The following CCDC191 variants were observed in gnomAD, a reference collection of about 807,000 sequenced individuals.
CCDC191 encodes coiled-coil domain containing 191.
In CCDC191, 99 loss-of-function variants were observed where a neutral mutation model predicts 114.0. The ratio of observed to expected loss-of-function variants is 0.87; its 90% CI spans 0.74 to 1.03. CCDC191 has a LOEUF of 1.03. CCDC191 is among the 50% of genes least tolerant of loss of function. The pLI, the probability that CCDC191 is intolerant of heterozygous loss-of-function variation, is 0.00. For missense variants in CCDC191, 973 were observed against 1,087.0 expected (o/e 0.90, Z 1.47); for synonymous variants, 351 against 376.0 (o/e 0.93, Z 0.77).
chr3:113,967,150 T>C (rs1185347440), intron 16 of CCDC191, among the ~76,000 whole-genome samples: 1 of 152,086 alleles, frequency 6.6e-6, no homozygotes, highest in Non-Finnish European at 1.5e-5. Flanking sequence ...ATGGATTTAC[T>C]TCATTGCTTG....
Position 113,965,108 on chromosome 3 carries a change from A to G in CCDC191, c.*47T>C. The G allele has an allele frequency of 2.4e-6, 3 of 1,261,348 alleles. No individual in the cohort carries two copies. Among genetic ancestry groups the G allele is most frequent in the South Asian group, 3.0e-5 (2 of 67,056 alleles). The allele number at this position is 1,261,348 out of a possible 1,614,324, so 78.1% of individuals were successfully genotyped here. A position where few individuals can be genotyped will look rare whatever the true frequency, so the allele number is the denominator to read the frequency against. ...GTGTGGGTGGGTGGAGATAACACAC[A>G]TACAGACTAGTCGAGCTTCCTGTCC... On this transcript the variant is annotated 3_prime_UTR_variant, in exon 17 of 17. Transcript: ENST00000295878.
chr3:114,028,297 T>TTG (rs2076353845), intron 7 of CCDC191, among the ~76,000 whole-genome samples: 2 of 149,344 alleles, frequency 1.3e-5, no homozygotes, highest in Non-Finnish European at 3.0e-5. Flanking sequence ...TTTTTTTTTT[T>TTG]TTTATCGAGA....
At chr3:113,966,977 T>A (rs1940242656) in intron 16 of CCDC191, among the ~76,000 whole-genome samples, 2 of 152,030 alleles carry the variant, frequency 1.3e-5, no homozygotes, top group African/African-American at 2.4e-5. Flanking sequence ...CAGGCACCTG[T>A]AATCCCAGCT....
At chr3:113,968,773 A>G (rs1940493407) in intron 16 of CCDC191, among the ~76,000 whole-genome samples, 1 of 151,832 alleles carries the variant, frequency 6.6e-6, no homozygotes. Flanking sequence ...CCATTTTTAA[A>G]TTGGATTTTT....
At chr3:114,029,403 C>T (rs2076372761) in intron 7 of CCDC191, among the ~76,000 whole-genome samples, 2 of 152,058 alleles carry the variant, frequency 1.3e-5, no homozygotes, top group South Asian at 2.1e-4. Flanking sequence ...TACACATATA[C>T]ATACATATAC....
intron 4 of CCDC191, among the ~76,000 whole-genome samples, chr3:114,040,645 C>T (rs986658926): frequency 6.6e-6 from 1 of 151,956 alleles, no homozygotes; most frequent in African/African-American, 2.4e-5. Flanking sequence ...ATATCTTTTT[C>T]CATCCTTTTC....
chr3:113,971,336 T>A (rs943546970), intron 16 of CCDC191, among the ~76,000 whole-genome samples: 9 of 152,172 alleles, frequency 5.9e-5, no homozygotes, highest in East Asian at 1.9e-4. Context: ...GCATTTTTTC[T>A]TGTGTCTTTT....
At position 113,964,178 on chromosome 3, in the gene CCDC191, T is replaced by C. The variant is rs1352359968; in HGVS notation, c.*977A>G. The C allele has an allele frequency of 6.6e-6, 1 of 152,200 alleles. No individual in the cohort carries two copies. The highest frequency in any genetic ancestry group is 1.5e-5 in the Non-Finnish European group (1 of 68,044). 9.4% of individuals were successfully genotyped at this position (152,200 alleles called of 1,614,324 possible). On this transcript the variant is annotated 3_prime_UTR_variant, in exon 17 of 17. Coordinates refer to ENST00000295878, the MANE Select transcript of CCDC191 (RefSeq NM_020817.2). ...CAGAATTTTATTTTGTCAACTCAAATTTTCAGCACACCAAATAAGAGTAAT... is the reference window on the plus strand; with the variant it reads ...CAGAATTTTATTTTGTCAACTCAAACTTTCAGCACACCAAATAAGAGTAAT...
chr3:114,032,365 T>C (rs1454255030), intron 6 of CCDC191, among the ~76,000 whole-genome samples: 5 of 152,226 alleles, frequency 3.3e-5, no homozygotes, highest in Non-Finnish European at 7.3e-5. Flanking sequence ...TTTCTGAGCA[T>C]CCTCTTTTTT....
At chr3:113,988,807 T>C (rs2075458794) in intron 13 of CCDC191, among the ~76,000 whole-genome samples, 1 of 151,910 alleles carries the variant, frequency 6.6e-6, no homozygotes, top group Non-Finnish European at 1.5e-5. Flanking sequence ...AAGTCTTTTT[T>C]TTTTGAGACA....
chr3:114,033,173 C>A (rs2076433167), intron 6 of CCDC191, among the ~76,000 whole-genome samples: 1 of 151,646 alleles, frequency 6.6e-6, no homozygotes, highest in Non-Finnish European at 1.5e-5. Context: ...TCTCGGCTCA[C>A]TGCAACCTCT....
intron 2 of CCDC191, among the ~76,000 whole-genome samples, chr3:114,052,266 T>G (rs1475034207): frequency 3.3e-5 from 5 of 152,032 alleles, no homozygotes; most frequent in African/African-American, 1.2e-4. Flanking sequence ...TGATAAAAAT[T>G]GAGTCAAGCT....
At chr3:114,047,782 C>A (rs745780126) in intron 2 of CCDC191, among the ~76,000 whole-genome samples, 2 of 151,776 alleles carry the variant, frequency 1.3e-5, no homozygotes, top group African/African-American at 2.4e-5. Flanking sequence ...CAAGACCAGC[C>A]TGGCCAACAC....
Position 114,006,614 on chromosome 3 carries a change from ATAT to A in CCDC191, c.1414-655_1414-653del, listed in dbSNP as rs1282467046. The stretch of plus-strand genomic sequence containing the variant: ...TATATATATATATATATATATATAT[ATAT>A]AAATATATATATTTTATATATAAAA... On this transcript the variant is annotated intron_variant, in intron 9 of 16. Coordinates refer to ENST00000295878, the MANE Select transcript of CCDC191 (RefSeq NM_020817.2). Among the ~76,000 whole-genome samples the A allele has an allele frequency of 3.4e-4, 44 of 128,112 alleles. 1 individual carries two copies. In the East Asian group the frequency reaches 3.8e-3, roughly 11 times the overall value. 84.0% of individuals were successfully genotyped at this position (128,112 alleles called of 152,430 possible). A position where few individuals can be genotyped will look rare whatever the true frequency, so the allele number is the denominator to read the frequency against.
intron 11 of CCDC191, chr3:114,004,216 T>C (rs1365692572): frequency 2.1e-5 from 20 of 973,944 alleles, no homozygotes; most frequent in Non-Finnish European, 2.2e-5. Context: ...TATAAAATAA[T>C]AACTTATCTT....
At chr3:113,998,103 C>T (rs1577382161) in intron 13 of CCDC191, among the ~76,000 whole-genome samples, 2 of 151,474 alleles carry the variant, frequency 1.3e-5, no homozygotes, top group East Asian at 2.0e-4. Context: ...TTCAGGAGTT[C>T]GAGACTAGCC....
rs1446159009 is a variant in CCDC191 at position 114,031,658 on chromosome 3, C to T, written c.940G>A (p.Val314Ile). ...VKERKRKLKE[V>I]LIQTFKENQQ... ...TTTTCTTTGAAAGTTTGGATTAATA[C>T]TTCTTTCAATTTCCTTTTTCTTTCC... Residue 314 changes from valine (V) to isoleucine (I), a missense_variant, in exon 7 of 17, where the codon GTA becomes ATA. By Grantham distance (29) the Val-to-Ile change is conservative (BLOSUM62 3). Transcript: ENST00000295878. 1 of 1,609,904 alleles carries T rather than the reference C, an allele frequency of 6.2e-7. No individual in the cohort carries two copies. Among genetic ancestry groups the T allele is most frequent in the African/African-American group, 1.3e-5 (1 of 74,836 alleles).
chr3:114,015,328 A>G (rs2076141632), intron 8 of CCDC191, among the ~76,000 whole-genome samples: 1 of 152,228 alleles, frequency 6.6e-6, no homozygotes, highest in African/African-American at 2.4e-5. Flanking sequence ...AGAGAAGGGC[A>G]GAGATGCGGC....
chr3:114,043,741 T>C (rs1323837451), intron 3 of CCDC191, among the ~76,000 whole-genome samples: 3 of 152,066 alleles, frequency 2.0e-5, no homozygotes, highest in East Asian at 1.9e-4. Flanking sequence ...GGAACACCAA[T>C]TGGGAAACAA....
Sources: gnomAD v4.1 joint callset for allele counts (sites outside exome capture counted in the v4.1 genomes callset) on GRCh38, gnomAD v4.1.1 for gene constraint, MANE v1.5 for transcripts, NCBI Gene and HGNC (gene_info 2026-07-23, HGNC 2026-07-21) for gene names.